F11R: variants seen among roughly 807,000 people sequenced by gnomAD.
F11R encodes F11 receptor.
A neutral mutation model predicts 39.3 loss-of-function variants in F11R; 27 were observed. The observed-to-expected ratio is 0.69, with a 90% CI of 0.51 to 0.95. F11R has a LOEUF of 0.95. F11R is among the 40% of genes least tolerant of loss of function. F11R has a pLI of 0.00. For synonymous variants in F11R, 131 were observed against 144.9 expected, an observed-to-expected ratio of 0.90 and a Z score of 0.69; for missense variants, 335 against 372.7, an observed-to-expected ratio of 0.90 and a Z score of 0.83.
At chr1:161,020,878 A>G (rs977594404) in intron 1 of F11R, 132 bp downstream of exon 1, 22 of 814,876 alleles carry the variant, frequency 2.7e-5, no homozygotes, top group Non-Finnish European at 4.6e-5. Context: ...CCAGGGGTGG[A>G]AAAGATAATT....
chr1:161,008,501 CA>C (rs948844017), intron 1 of F11R, among the ~76,000 whole-genome samples: 127 of 131,086 alleles, frequency 9.7e-4, no homozygotes, highest in Non-Finnish European at 1.0e-3. Context: ...GACCCCGTCT[CA>C]AAAAAAAAAA....
chr1:161,004,334 C>A (rs1011431039), intron 1 of F11R, among the ~76,000 whole-genome samples: 2 of 152,136 alleles, frequency 1.3e-5, no homozygotes, highest in South Asian at 4.2e-4. Flanking sequence ...CCAAAGAGGG[C>A]AGATCACTTG....
intron 1 of F11R, among the ~76,000 whole-genome samples, chr1:161,006,084 G>C (rs1188769297): frequency 6.7e-6 from 1 of 150,334 alleles, no homozygotes; most frequent in East Asian, 2.0e-4. Flanking sequence ...GTTGCCGTGA[G>C]CCAAGATCGC....
intron 1 of F11R, among the ~76,000 whole-genome samples, chr1:161,012,639 T>TA (rs1557894356): frequency 5.3e-5 from 8 of 151,526 alleles, no homozygotes; most frequent in Non-Finnish European, 8.8e-5. Context: ...TTTATTTATT[T>TA]TGAGACAGAG....
chr1:161,003,259 G>A (rs1648600833), intron 1 of F11R, among the ~76,000 whole-genome samples: 1 of 152,056 alleles, frequency 6.6e-6, no homozygotes, highest in Non-Finnish European at 1.5e-5. Context: ...AAGTAGCTGG[G>A]ATTACAGGCA....
chr1:161,004,859 A>C (rs1371612641), intron 1 of F11R, among the ~76,000 whole-genome samples: 1 of 151,988 alleles, frequency 6.6e-6, no homozygotes. Context: ...TTTATGCTCA[A>C]ATGTAATAAT....
intron 6 of F11R, 57 bp downstream of exon 6, chr1:160,999,819 G>A: frequency 1.2e-6 from 2 of 1,606,960 alleles, no homozygotes; most frequent in Non-Finnish European, 1.7e-6. Flanking sequence ...CCAATGGCAG[G>A]ATGAAAAGCA....
chr1:161,016,371 G>A (rs1250704199), intron 1 of F11R, among the ~76,000 whole-genome samples: 1 of 152,172 alleles, frequency 6.6e-6, no homozygotes, highest in Non-Finnish European at 1.5e-5. Flanking sequence ...AGCTACTCAG[G>A]AGGCTGAGGC....
chr1:161,016,337 A>G (rs1272833362), intron 1 of F11R, among the ~76,000 whole-genome samples: 1 of 151,970 alleles, frequency 6.6e-6, no homozygotes, highest in East Asian at 1.9e-4. Flanking sequence ...TTAGCCAGGC[A>G]TGGTGGCGGG....
At chr1:161,000,383 G>A (rs201315551) in intron 4 of F11R, 35 bp from the exon 5 acceptor site, 2 of 1,602,154 alleles carry the variant, frequency 1.2e-6, no homozygotes, top group African/African-American at 2.7e-5. Flanking sequence ...GCTGAGTACA[G>A]GGTGGGGGCT....
chr1:161,001,187 A>G (rs1648465786), intron 2 of F11R, 60 bp from the exon 3 acceptor site: 1 of 1,593,140 alleles, frequency 6.3e-7, no homozygotes, highest in Non-Finnish European at 8.6e-7. Flanking sequence ...CGAGATGGGG[A>G]ACAGCCCCAA....
intron 1 of F11R, among the ~76,000 whole-genome samples, chr1:161,004,276 T>C (rs1262501078): frequency 6.6e-6 from 1 of 152,006 alleles, no homozygotes; most frequent in African/African-American, 2.4e-5. Flanking sequence ...AAGAAGGGTA[T>C]AGGCTGGGCA....
chr1:161,003,750 C>G (rs990137738), intron 1 of F11R, among the ~76,000 whole-genome samples: 5 of 151,652 alleles, frequency 3.3e-5, no homozygotes, highest in Admixed American at 1.3e-4. Context: ...CTAGTTCTAA[C>G]TAGTTTTTTG....
intron 1 of F11R, among the ~76,000 whole-genome samples, chr1:161,016,941 G>A (rs186187473): frequency 1.6e-3 from 237 of 152,296 alleles, no homozygotes; most frequent in Middle Eastern, 6.8e-3. Context: ...TTCTGCCTTG[G>A]GATGCTGTTA....
intron 3 of F11R, 112 bp from the exon 4 acceptor site, chr1:161,000,889 G>T: frequency 6.7e-7 from 1 of 1,499,558 alleles, no homozygotes; most frequent in Non-Finnish European, 9.2e-7. Context: ...CAGAAAGGGG[G>T]GTAGGAAGGC....
intron 7 of F11R, 83 bp from the exon 8 acceptor site, chr1:160,999,491 C>G: frequency 6.3e-7 from 1 of 1,596,230 alleles, no homozygotes; most frequent in Non-Finnish European, 8.6e-7. Context: ...AGGCCCCCAG[C>G]TCTTGGTGTT....
At chr1:161,003,277 C>CTAATTTTGTATTTTTACAAAAATA in intron 1 of F11R, among the ~76,000 whole-genome samples, 1 of 152,132 alleles carries the variant, frequency 6.6e-6, no homozygotes, top group East Asian at 1.9e-4. Context: ...GCATGTGCCA[C>CTAATTTTGTATTTTTACAAAAATA]CATGCCCGGC....
intron 1 of F11R, among the ~76,000 whole-genome samples, chr1:161,017,958 G>T (rs1649553804): frequency 6.6e-6 from 1 of 152,184 alleles, no homozygotes; most frequent in Admixed American, 6.5e-5. Flanking sequence ...CTTCAGTGAT[G>T]ATACCACACT....
At chr1:161,003,913 C>A (rs542892300) in intron 1 of F11R, among the ~76,000 whole-genome samples, 20 of 151,480 alleles carry the variant, frequency 1.3e-4, no homozygotes, top group African/African-American at 4.9e-4. Context: ...TACAGGCAGG[C>A]GCCACCATGC....
Sources: gnomAD v4.1 joint callset for allele counts (sites outside exome capture counted in the v4.1 genomes callset) on GRCh38, gnomAD v4.1.1 for gene constraint, MANE v1.5 for transcripts, NCBI Gene and HGNC (gene_info 2026-07-23, HGNC 2026-07-21) for gene names.